SHISA6: variants seen among roughly 807,000 people sequenced by gnomAD.
SHISA6 encodes shisa family member 6.
In SHISA6, 22 loss-of-function variants were observed where a neutral mutation model predicts 47.9. The ratio of observed to expected loss-of-function variants is 0.46; its 90% CI spans 0.33 to 0.66. The LOEUF is 0.66. Ranked by LOEUF, SHISA6 falls within the 30% of genes least tolerant of loss-of-function variation. SHISA6 has a pLI of 0.02. For synonymous variants in SHISA6, 388 were observed against 337.8 expected, an observed-to-expected ratio of 1.15 and a Z score of -1.63; for missense variants, 680 against 764.6, an observed-to-expected ratio of 0.89 and a Z score of 1.30.
chr17:11,391,595 TTG>T (rs1291996190), intron 3 of SHISA6, among the ~76,000 whole-genome samples: 2 of 152,048 alleles, frequency 1.3e-5, no homozygotes, highest in Admixed American at 1.3e-4. Context: ...CTGTCCCCGT[TTG>T]TGTGAATTGT....
At chr17:11,453,889 G>A (rs1348683252) in intron 3 of SHISA6, among the ~76,000 whole-genome samples, 1 of 152,106 alleles carries the variant, frequency 6.6e-6, no homozygotes, top group Non-Finnish European at 1.5e-5. Context: ...TTGTTGCCAG[G>A]GATTAAGGGT....
chr17:11,543,360 G>C (rs2071850187), intron 3 of SHISA6, among the ~76,000 whole-genome samples: 1 of 152,164 alleles, frequency 6.6e-6, no homozygotes, highest in African/African-American at 2.4e-5. Flanking sequence ...ACTGGAATTA[G>C]TTAATTCTGA....
At chr17:11,243,377 CA>C (rs1236361729) in intron 1 of SHISA6, among the ~76,000 whole-genome samples, 1 of 151,712 alleles carries the variant, frequency 6.6e-6, no homozygotes, top group Non-Finnish European at 1.5e-5. Context: ...GTCAAATCCA[CA>C]AAGGGTGGGT....
intron 2 of SHISA6, among the ~76,000 whole-genome samples, chr17:11,313,818 C>G (rs913718875): frequency 6.6e-6 from 1 of 151,908 alleles, no homozygotes; most frequent in Non-Finnish European, 1.5e-5. Flanking sequence ...CCTGGTGATG[C>G]TGGAGGAGAG....
chr17:11,388,788 GTTTATATATATATATATATATATATATA>G (rs1243556707), intron 3 of SHISA6, among the ~76,000 whole-genome samples: 3 of 49,078 alleles, frequency 6.1e-5, no homozygotes, highest in African/African-American at 2.3e-4. Context: ...TCAAACAAAA[GTTTATATATATATATATATATATATATA>G]TATATATATA....
intron 3 of SHISA6, among the ~76,000 whole-genome samples, chr17:11,410,885 T>G (rs1338246954): frequency 6.6e-6 from 1 of 152,214 alleles, no homozygotes; most frequent in Non-Finnish European, 1.5e-5. Context: ...GCATAAGAGC[T>G]CAGAACACTG....
intron 2 of SHISA6, among the ~76,000 whole-genome samples, chr17:11,308,861 G>A (rs1910221971): frequency 6.6e-6 from 1 of 152,168 alleles, no homozygotes; most frequent in Admixed American, 6.5e-5. Context: ...AGGCACAGTG[G>A]CAAATTAGTT....
intron 1 of SHISA6, among the ~76,000 whole-genome samples, chr17:11,258,199 A>G (rs1478635218): frequency 6.6e-6 from 1 of 152,200 alleles, no homozygotes. Flanking sequence ...CGAAAAGAGA[A>G]AGGGCATGAT....
chr17:11,489,002 TG>T (rs1168999990), intron 3 of SHISA6, among the ~76,000 whole-genome samples: 1 of 152,194 alleles, frequency 6.6e-6, no homozygotes, highest in African/African-American at 2.4e-5. Context: ...TTTTCTCAAT[TG>T]GGGGTATGTC....
At chr17:11,413,516 C>A (rs1914196458) in intron 3 of SHISA6, among the ~76,000 whole-genome samples, 1 of 152,264 alleles carries the variant, frequency 6.6e-6, no homozygotes, top group Middle Eastern at 3.4e-3. Flanking sequence ...CACCCCAGAA[C>A]TGGGGCATGC....
intron 4 of SHISA6, among the ~76,000 whole-genome samples, chr17:11,555,494 CAA>C (rs773860853): frequency 3.3e-5 from 5 of 151,746 alleles, no homozygotes; most frequent in Non-Finnish European, 7.4e-5. Flanking sequence ...TCCTCAGACT[CAA>C]GAGTCGAGTC....
intron 3 of SHISA6, among the ~76,000 whole-genome samples, chr17:11,517,762 C>T: frequency 6.6e-6 from 1 of 152,096 alleles, no homozygotes; most frequent in South Asian, 2.1e-4. Context: ...CCTCAGCCTC[C>T]CAAAGTACTG....
intron 3 of SHISA6, among the ~76,000 whole-genome samples, chr17:11,451,219 T>A (rs890811985): frequency 2.6e-5 from 4 of 152,236 alleles, no homozygotes; most frequent in African/African-American, 9.6e-5. Context: ...CCATCCATTC[T>A]CTGCCCCCTT....
intron 3 of SHISA6, among the ~76,000 whole-genome samples, chr17:11,386,032 G>A (rs575143392): frequency 5.3e-5 from 8 of 152,200 alleles, no homozygotes; most frequent in African/African-American, 1.2e-4. Context: ...AATGGATGAC[G>A]TCTGGGATGT....
At chr17:11,555,020 C>T (rs940443890) in intron 4 of SHISA6, among the ~76,000 whole-genome samples, 2 of 152,156 alleles carry the variant, frequency 1.3e-5, no homozygotes, top group Non-Finnish European at 1.5e-5. Flanking sequence ...CACCTCAATG[C>T]TCTATCTCAG....
chr17:11,541,936 G>A (rs138614194), intron 3 of SHISA6, among the ~76,000 whole-genome samples: 49 of 152,274 alleles, frequency 3.2e-4, no homozygotes, highest in African/African-American at 1.2e-3. Flanking sequence ...TCCTCATAAA[G>A]CAATTATGAA....
At chr17:11,242,266 G>A (rs1038309413) in intron 1 of SHISA6, among the ~76,000 whole-genome samples, 11 of 152,210 alleles carry the variant, frequency 7.2e-5, no homozygotes, top group African/African-American at 2.7e-4. Context: ...ATGCTTTGGT[G>A]GTAGGGGGAT....
intron 3 of SHISA6, among the ~76,000 whole-genome samples, chr17:11,511,955 G>A (rs2071545088): frequency 6.6e-6 from 1 of 152,232 alleles, no homozygotes; most frequent in South Asian, 2.1e-4. Flanking sequence ...CCTTGGGCCA[G>A]GATTCAAGAG....
intron 3 of SHISA6, among the ~76,000 whole-genome samples, chr17:11,389,559 C>A (rs915462337): frequency 3.9e-5 from 6 of 152,176 alleles, no homozygotes; most frequent in African/African-American, 1.4e-4. Flanking sequence ...TCTGTTATAA[C>A]CCTAATCTTG....
Sources: gnomAD v4.1 joint callset for allele counts (sites outside exome capture counted in the v4.1 genomes callset) on GRCh38, gnomAD v4.1.1 for gene constraint, MANE v1.5 for transcripts, NCBI Gene and HGNC (gene_info 2026-07-23, HGNC 2026-07-21) for gene names.